The following CSMD1 variants were observed in gnomAD, a reference collection of about 807,000 sequenced individuals.
The protein encoded by CSMD1 is CUB and sushi domain-containing protein 1.
A neutral mutation model predicts 417.5 loss-of-function variants in CSMD1; 213 were observed. The observed-to-expected ratio is 0.51, with a 90% CI of 0.46 to 0.57. CSMD1 has a LOEUF of 0.57. Ranked by LOEUF, CSMD1 falls within the 20% of genes least tolerant of loss-of-function variation. CSMD1 has a pLI of 0.00. For missense variants in CSMD1, 6,923 were observed against 4,529.7 expected, an observed-to-expected ratio of 1.53 and a Z score of -15.17; for synonymous variants, 2,862 against 1,736.8, an observed-to-expected ratio of 1.65 and a Z score of -16.11.
At chr8:3,331,214 G>A (rs1275953868) in intron 23 of CSMD1, among the ~76,000 whole-genome samples, 2 of 141,628 alleles carry the variant, frequency 1.4e-5, no homozygotes, top group Non-Finnish European at 3.0e-5. Flanking sequence ...CTCCAGCCTG[G>A]CCGACAGAAC....
At chr8:4,516,521 G>T (rs1216418884) in intron 2 of CSMD1, among the ~76,000 whole-genome samples, 3 of 152,094 alleles carry the variant, frequency 2.0e-5, no homozygotes, top group African/African-American at 7.2e-5. Flanking sequence ...TTGGGGAGTT[G>T]ATGTGCCATT....
At chr8:4,271,697 T>C (rs770572684) in intron 3 of CSMD1, among the ~76,000 whole-genome samples, 11 of 152,190 alleles carry the variant, frequency 7.2e-5, no homozygotes, top group Non-Finnish European at 1.5e-4. Flanking sequence ...TATATGTATA[T>C]TAATCCTAAC....
intron 23 of CSMD1, among the ~76,000 whole-genome samples, chr8:3,327,516 A>G (rs1806612067): frequency 6.6e-6 from 1 of 152,174 alleles, no homozygotes; most frequent in Admixed American, 6.5e-5. Context: ...TTTTATTAAC[A>G]TAATATCAGT....
At chr8:2,997,679 C>T (rs1807026181) in intron 54 of CSMD1, among the ~76,000 whole-genome samples, 1 of 152,012 alleles carries the variant, frequency 6.6e-6, no homozygotes, top group South Asian at 2.1e-4. Context: ...TAAAGACAGT[C>T]ATAAAATTAG....
At chr8:4,813,212 A>G (rs1271785892) in intron 1 of CSMD1, among the ~76,000 whole-genome samples, 1 of 152,206 alleles carries the variant, frequency 6.6e-6, no homozygotes, top group Non-Finnish European at 1.5e-5. Flanking sequence ...TTAGGAATAT[A>G]TTCAAGGAGC....
At chr8:3,745,792 C>A (rs1222132361) in intron 6 of CSMD1, among the ~76,000 whole-genome samples, 1 of 152,212 alleles carries the variant, frequency 6.6e-6, no homozygotes, top group African/African-American at 2.4e-5. Context: ...AGAGAACAAG[C>A]AATGTAACCT....
intron 23 of CSMD1, among the ~76,000 whole-genome samples, chr8:3,314,519 T>G (rs537506031): frequency 1.5e-4 from 23 of 152,308 alleles, no homozygotes; most frequent in Middle Eastern, 3.4e-3. Flanking sequence ...TAAATCACAT[T>G]ATTTGTGTCA....
intron 10 of CSMD1, among the ~76,000 whole-genome samples, chr8:3,500,002 G>C (rs1400979273): frequency 6.6e-6 from 1 of 152,156 alleles, no homozygotes; most frequent in South Asian, 2.1e-4. Context: ...GAGGCCTGTG[G>C]GGGCTTTTCT....
intron 1 of CSMD1, among the ~76,000 whole-genome samples, chr8:4,933,549 AG>A (rs1166801040): frequency 1.3e-5 from 2 of 152,190 alleles, no homozygotes; most frequent in African/African-American, 4.8e-5. Context: ...ACTTTCGAAA[AG>A]TAGCACTTTG....
chr8:4,570,437 C>T (rs111609619), intron 2 of CSMD1, among the ~76,000 whole-genome samples: 5,730 of 152,152 alleles, frequency 0.038, 316 homozygotes, highest in African/African-American at 0.13. Context: ...TGGATTACGC[C>T]TATTGATTTG....
At chr8:4,364,150 T>A (rs1584960367) in intron 3 of CSMD1, among the ~76,000 whole-genome samples, 1 of 152,196 alleles carries the variant, frequency 6.6e-6, no homozygotes, top group South Asian at 2.1e-4. Context: ...AAATCTCTCT[T>A]GTACTTCATA....
intron 1 of CSMD1, among the ~76,000 whole-genome samples, chr8:4,643,736 C>T (rs533230373): frequency 5.9e-5 from 9 of 152,282 alleles, no homozygotes; most frequent in African/African-American, 2.2e-4. Flanking sequence ...TTAAATTCTG[C>T]ATTATCTTCT....
chr8:4,457,974 G>A (rs76887515), intron 2 of CSMD1, among the ~76,000 whole-genome samples: 3,041 of 152,166 alleles, frequency 0.02, 99 homozygotes, highest in African/African-American at 0.07. Context: ...GTACTTCTTT[G>A]GTTGGTGGCA....
chr8:3,045,543 C>G (rs971751400), intron 50 of CSMD1, among the ~76,000 whole-genome samples: 2 of 152,168 alleles, frequency 1.3e-5, no homozygotes, highest in Admixed American at 1.3e-4. Context: ...GAAAATTAGG[C>G]CTTGTCCTTA....
intron 4 of CSMD1, among the ~76,000 whole-genome samples, chr8:4,022,273 C>G (rs957832723): frequency 1.3e-4 from 19 of 150,880 alleles, no homozygotes; most frequent in Non-Finnish European, 2.5e-4. Flanking sequence ...TTGCTTATCT[C>G]TTATGTATTT....
At chr8:3,983,289 C>T (rs1226126136) in intron 5 of CSMD1, among the ~76,000 whole-genome samples, 1 of 152,046 alleles carries the variant, frequency 6.6e-6, no homozygotes, top group Non-Finnish European at 1.5e-5. Flanking sequence ...CACCACCACG[C>T]CCGGCTAATT....
At chr8:4,017,931 G>T (rs1230431879) in intron 4 of CSMD1, among the ~76,000 whole-genome samples, 7 of 152,090 alleles carry the variant, frequency 4.6e-5, no homozygotes, top group Non-Finnish European at 1.0e-4. Flanking sequence ...CAATCATAAA[G>T]CTGGTTGCAC....
chr8:3,329,747 C>G (rs2117531640), intron 23 of CSMD1, among the ~76,000 whole-genome samples: 1 of 152,230 alleles, frequency 6.6e-6, no homozygotes, highest in East Asian at 1.9e-4. Flanking sequence ...TGAGCAGAGG[C>G]CATGCCATCA....
chr8:4,012,033 A>T (rs901356569), intron 4 of CSMD1, among the ~76,000 whole-genome samples: 1 of 152,186 alleles, frequency 6.6e-6, no homozygotes, highest in African/African-American at 2.4e-5. Flanking sequence ...AAGGAAAAAA[A>T]AAGTCAGTAC....
Sources: gnomAD v4.1 joint callset for allele counts (sites outside exome capture counted in the v4.1 genomes callset) on GRCh38, gnomAD v4.1.1 for gene constraint, MANE v1.5 for transcripts, NCBI Gene and HGNC (gene_info 2026-07-23, HGNC 2026-07-21) for gene names.